Variants in TMC1 observed in about 807,000 individuals in gnomAD.
The protein encoded by TMC1 is transmembrane channel like 1.
In TMC1, 84 loss-of-function variants were observed where a neutral mutation model predicts 105.8. The observed-to-expected ratio is 0.79, with a 90% CI of 0.67 to 0.95. TMC1 has a LOEUF of 0.95. Ranked by LOEUF, TMC1 falls within the 40% of genes least tolerant of loss-of-function variation. The pLI, the probability that TMC1 is intolerant of heterozygous loss-of-function variation, is 0.00. For synonymous variants in TMC1, 315 were observed against 311.5 expected (o/e 1.01, Z -0.12); for missense variants, 817 against 914.1 (o/e 0.89, Z 1.37).
chr9:72,534,238 C>T (rs1443271107), intron 1 of TMC1, among the ~76,000 whole-genome samples: 2 of 152,194 alleles, frequency 1.3e-5, no homozygotes, highest in Non-Finnish European at 2.9e-5. Context: ...ACAGCTGTCT[C>T]TTGTTCTCTC....
chr9:72,804,578 G>A (rs1828536616), intron 17 of TMC1, among the ~76,000 whole-genome samples: 1 of 152,190 alleles, frequency 6.6e-6, no homozygotes, highest in Non-Finnish European at 1.5e-5. Context: ...TCTGGAAGAA[G>A]CAGTACTTTC....
At chr9:72,716,031 T>C (rs1785299574) in intron 8 of TMC1, among the ~76,000 whole-genome samples, 1 of 152,234 alleles carries the variant, frequency 6.6e-6, no homozygotes, top group Admixed American at 6.5e-5. Context: ...GCTGCAGGTC[T>C]GCTGGAGTTT....
At chr9:72,809,500 T>G (rs533559209) in intron 18 of TMC1, among the ~76,000 whole-genome samples, 1 of 152,282 alleles carries the variant, frequency 6.6e-6, no homozygotes, top group South Asian at 2.1e-4. Flanking sequence ...AATGGATAGC[T>G]TACACGGGTG....
intron 20 of TMC1, 32 bp downstream of exon 20, chr9:72,821,113 C>G: frequency 6.2e-7 from 1 of 1,613,928 alleles, no homozygotes; most frequent in Non-Finnish European, 8.5e-7. Flanking sequence ...ACTCAGGCAT[C>G]GTGTTCTTTC....
In TMC1 at chr9:72,830,627, G is replaced by T; in HGVS notation, c.2209-4G>T. On this transcript the variant is annotated splice_region_variant and splice_polypyrimidine_tract_variant and intron_variant, in intron 22 of 23. Coordinates refer to ENST00000297784, the MANE Select transcript of TMC1 (RefSeq NM_138691.3). ...CTTTTTTCCCCTTATTTTTTATTGT[G>T]TAGCAAGCTTTGGAGAACAAAATGC... The T allele has an allele frequency of 1.2e-6, 2 of 1,613,242 alleles. No homozygotes were observed. The highest frequency in any genetic ancestry group is 1.7e-6 in the Non-Finnish European group (2 of 1,179,686).
At chr9:72,678,149 G>A (rs916188833) in intron 5 of TMC1, among the ~76,000 whole-genome samples, 2 of 152,042 alleles carry the variant, frequency 1.3e-5, no homozygotes, top group African/African-American at 4.8e-5. Context: ...CCCTGGAGGT[G>A]GAAATAGAAG....
intron 5 of TMC1, among the ~76,000 whole-genome samples, chr9:72,677,427 T>C (rs927575110): frequency 6.6e-6 from 1 of 152,124 alleles, no homozygotes; most frequent in African/African-American, 2.4e-5. Flanking sequence ...AAGGTTAATC[T>C]CATTCAGCAA....
intron 17 of TMC1, among the ~76,000 whole-genome samples, chr9:72,800,783 A>C (rs1176137490): frequency 1.3e-5 from 2 of 151,912 alleles, no homozygotes; most frequent in East Asian, 3.9e-4. Context: ...GAAAGTCTGC[A>C]GAAGCGGGCC....
intron 2 of TMC1, among the ~76,000 whole-genome samples, chr9:72,587,770 T>C (rs946053710): frequency 2.0e-5 from 3 of 151,902 alleles, no homozygotes; most frequent in Non-Finnish European, 4.4e-5. Context: ...AGGTGGAGAA[T>C]ACATTTTTAA....
intron 12 of TMC1, among the ~76,000 whole-genome samples, chr9:72,763,637 CGT>C (rs1338013712): frequency 6.6e-6 from 1 of 152,072 alleles, no homozygotes; most frequent in African/African-American, 2.4e-5. Flanking sequence ...TTACAGAGAA[CGT>C]GTGATGATAA....
chr9:72,784,682 A>G lies in TMC1; in HGVS notation c.885-3657A>G, dbSNP rs138488154. On this transcript the variant is annotated intron_variant, in intron 13 of 23. Transcript: ENST00000297784. ...CTATTCAAAACAGCAAAAACATGGC[A>G]TCAACCTAGATGTCCGTCAACAGTG... 4.1e-4 allele frequency among the ~76,000 whole-genome samples: 63 copies of G among 152,330 alleles called. 1 individual carries two copies. In the East Asian group the frequency reaches 0.011, roughly 27 times the overall value.
At chr9:72,524,745 T>C (rs1025739588) in intron 1 of TMC1, among the ~76,000 whole-genome samples, 3 of 152,152 alleles carry the variant, frequency 2.0e-5, no homozygotes, top group Admixed American at 6.6e-5. Context: ...TTTTAAGTCC[T>C]AGAATTATAA....
In TMC1 at chr9:72,706,599, A is replaced by T. The variant is rs557470070; in HGVS notation, c.362+5956A>T. On this transcript the variant is annotated intron_variant, in intron 8 of 23. Coordinates refer to ENST00000297784, the MANE Select transcript of TMC1 (RefSeq NM_138691.3). ...ATCCCACCCTTTCCCCAGAGTCCCC[A>T]AAGACCACTGTATCATTCTTATGCA... Among the ~76,000 whole-genome samples, 5 of 152,214 alleles carry T rather than the reference A, an allele frequency of 3.3e-5. No individual in the cohort carries two copies. In the South Asian group the frequency reaches 1.0e-3, roughly 32 times the overall value.
rs768694342 is a variant in TMC1, at chr9:72,788,328, T to C, written c.885-11T>C. 2.7e-5 allele frequency: 43 copies of C among 1,613,898 alleles called. No individual in the cohort carries two copies. In the Admixed American group the frequency reaches 7.0e-4, roughly 26 times the overall value. ...TTTCTGGCTGCTGGGTTAAACTTCC[T>C]GTTTTTGCAGAATGACCAAAAACAT... On this transcript the variant is annotated splice_polypyrimidine_tract_variant and intron_variant, in intron 13 of 23. Transcript: ENST00000297784.
chr9:72,584,561 C>A (rs1012113778), intron 2 of TMC1, among the ~76,000 whole-genome samples: 1 of 151,862 alleles, frequency 6.6e-6, no homozygotes, highest in Non-Finnish European at 1.5e-5. Context: ...GCCACCGCAC[C>A]CAGCATAATG....
At chr9:72,602,814 T>G (rs1824841142) in intron 2 of TMC1, among the ~76,000 whole-genome samples, 1 of 152,190 alleles carries the variant, frequency 6.6e-6, no homozygotes. Context: ...AACATTTGTA[T>G]TTTTAGATAG....
At chr9:72,546,674 A>G (rs1188412086) in intron 1 of TMC1, among the ~76,000 whole-genome samples, 2 of 152,248 alleles carry the variant, frequency 1.3e-5, no homozygotes, top group Non-Finnish European at 2.9e-5. Flanking sequence ...GACTGAACAC[A>G]GAATTTTAAA....
intron 3 of TMC1, among the ~76,000 whole-genome samples, chr9:72,622,682 C>A (rs1169112294): frequency 6.6e-6 from 1 of 152,148 alleles, no homozygotes; most frequent in African/African-American, 2.4e-5. Context: ...AAGTAGGGAG[C>A]TATCCACACA....
At chr9:72,623,878 T>C (rs1825299379) in intron 3 of TMC1, among the ~76,000 whole-genome samples, 1 of 152,130 alleles carries the variant, frequency 6.6e-6, no homozygotes, top group African/African-American at 2.4e-5. Context: ...TGCTGTAAAA[T>C]GTCATCTTGG....
Sources: allele counts gnomAD v4.1 joint callset (sites outside exome capture counted in the v4.1 genomes callset), GRCh38; gene constraint gnomAD v4.1.1; transcripts MANE v1.5; gene names NCBI Gene and HGNC (gene_info 2026-07-23, HGNC 2026-07-21).